The following MED12L variants were observed in gnomAD, a reference collection of about 807,000 sequenced individuals.
MED12L encodes the protein mediator of RNA polymerase II transcription subunit 12-like protein.
A neutral mutation model predicts 281.3 loss-of-function variants in MED12L; 60 were observed. That is an observed-to-expected ratio of 0.21 (90% CI 0.17 to 0.26). MED12L has a LOEUF of 0.26. Ranked by LOEUF, MED12L falls within the 10% of genes least tolerant of loss-of-function variation. The probability of loss-of-function intolerance (pLI) is 1.00; values close to 1 mark genes in which losing one functional copy is unlikely to be tolerated. For synonymous variants in MED12L, 974 were observed against 987.2 expected (o/e 0.99, Z 0.25); for missense variants, 2,146 against 2,680.9 (o/e 0.80, Z 4.41).
chr3:151,164,787 G>A (rs959019773), intron 9 of MED12L, among the ~76,000 whole-genome samples: 2 of 151,964 alleles, frequency 1.3e-5, no homozygotes, highest in Admixed American at 6.5e-5. Context: ...TCACTCATAG[G>A]TGGGAATGGA....
At chr3:151,427,593 CTA>C (rs1719016272) in intron 43 of MED12L, among the ~76,000 whole-genome samples, 1 of 152,196 alleles carries the variant, frequency 6.6e-6, no homozygotes. Flanking sequence ...TAAATGTTGA[CTA>C]TTTGTACACC....
intron 24 of MED12L, 150 bp downstream of exon 24, chr3:151,367,916 G>A: frequency 1.0e-6 from 1 of 1,002,514 alleles, no homozygotes; most frequent in South Asian, 1.7e-5. Context: ...AATTTTAATA[G>A]TTATTTTATA....
intron 43 of MED12L, chr3:151,425,519 G>C (rs1577624195): frequency 2.5e-6 from 1 of 403,146 alleles, no homozygotes; most frequent in East Asian, 7.2e-5. Context: ...TTCCACCTCA[G>C]CCTTCCAAGT....
chr3:151,302,888 A>G (rs915735082), intron 16 of MED12L, among the ~76,000 whole-genome samples: 1 of 152,218 alleles, frequency 6.6e-6, no homozygotes, highest in Non-Finnish European at 1.5e-5. Context: ...GAATCCAGAA[A>G]TAGACCATTT....
chr3:151,253,999 G>GTTTTTTT (rs11453294), intron 16 of MED12L, among the ~76,000 whole-genome samples: 5 of 136,896 alleles, frequency 3.7e-5, no homozygotes, highest in Non-Finnish European at 6.3e-5. Context: ...ATTTTTTCTT[G>GTTTTTTT]TTTTTTTTTT....
rs927543220 is a variant in MED12L at position 151,432,257 on chromosome 3, C to T, written c.6491-495C>T. Among the ~76,000 whole-genome samples the T allele has an allele frequency of 1.4e-4, 22 of 152,324 alleles. 1 individual carries two copies. Among genetic ancestry groups the T allele is most frequent in the South Asian group, 2.1e-4 (1 of 4,830 alleles). ...AGGCATGCATGTCTACATAGGCACA[C>T]GCTTGAGTCATCACACACGGACAGT... On this transcript the variant is annotated intron_variant, in intron 44 of 44. Transcript: ENST00000687756.
At chr3:151,254,747 A>G (rs1577137661) in intron 16 of MED12L, among the ~76,000 whole-genome samples, 1 of 152,188 alleles carries the variant, frequency 6.6e-6, no homozygotes, top group African/African-American at 2.4e-5. Context: ...CGTGTTGACA[A>G]ATGTGCTTGT....
chr3:151,355,788 G>A, intron 18 of MED12L, 108 bp from the exon 19 acceptor site: 1 of 925,182 alleles, frequency 1.1e-6, no homozygotes, highest in Non-Finnish European at 1.5e-6. Context: ...TTTCGTCAAA[G>A]TAGAATCATG....
rs543776615 is a variant in MED12L at position 151,433,848 on chromosome 3, G to A, written c.*1044G>A. The A allele has an allele frequency of 9.2e-5, 14 of 152,716 alleles. No individual in the cohort carries two copies. The highest frequency in any genetic ancestry group is 1.9e-4 in the East Asian group (1 of 5,184). The allele number at this position is 152,716 out of a possible 1,614,324, so 9.5% of individuals were successfully genotyped here. On this transcript the variant is annotated 3_prime_UTR_variant, in exon 45 of 45. Coordinates refer to ENST00000687756, the MANE Select transcript of MED12L (RefSeq NM_001393769.1). ...AATTATTACTGTCAGTGTCAGTCTT[G>A]GTTGTGTATTGCATATACTGTATTT... is the stretch of plus-strand genomic sequence containing the variant.
Position 151,435,409 on chromosome 3 carries a change from C to T in MED12L, c.*2605C>T, listed in dbSNP as rs943646177. On this transcript the variant is annotated 3_prime_UTR_variant, in exon 45 of 45. Coordinates refer to ENST00000687756, the MANE Select transcript of MED12L (RefSeq NM_001393769.1). ...ATGCGTAGCTTTGACCACTTCCAGC[C>T]ACAGGGTACTAACATCAGACATAAG... The T allele has an allele frequency of 1.6e-4, 24 of 152,092 alleles. No homozygotes were observed. The highest frequency in any genetic ancestry group is 5.6e-4 in the African/African-American group (23 of 41,416). 9.4% of individuals were successfully genotyped at this position (152,092 alleles called of 1,614,324 possible). A position where few individuals can be genotyped will look rare whatever the true frequency, so the allele number is the denominator to read the frequency against.
At chr3:151,210,076 C>G (rs1443119548) in intron 16 of MED12L, among the ~76,000 whole-genome samples, 1 of 152,108 alleles carries the variant, frequency 6.6e-6, no homozygotes, top group Non-Finnish European at 1.5e-5. Context: ...GCTCTCTTTC[C>G]TATGGTAGCC....
At chr3:151,335,293 C>A (rs1750832705) in intron 16 of MED12L, among the ~76,000 whole-genome samples, 1 of 152,162 alleles carries the variant, frequency 6.6e-6, no homozygotes, top group East Asian at 1.9e-4. Context: ...CCATGACTCT[C>A]TAGTAACTGT....
At chr3:151,113,621 A>G (rs1712272644) in intron 2 of MED12L, among the ~76,000 whole-genome samples, 2 of 152,232 alleles carry the variant, frequency 1.3e-5, no homozygotes, top group South Asian at 4.1e-4. Flanking sequence ...GTCAAATTCT[A>G]CATGTATTTT....
chr3:151,411,406 C>A lies in MED12L; in HGVS notation c.6039C>A (p.Asn2013Lys), dbSNP rs778921097. The A allele has an allele frequency of 2.5e-6, 4 of 1,614,194 alleles. No homozygotes were observed. Among genetic ancestry groups the A allele is most frequent in the Non-Finnish European group, 3.4e-6 (4 of 1,180,046 alleles). ...NSRAYPAAHSNPVLMERLRQI... is the reference protein window; with the variant it reads ...NSRAYPAAHSKPVLMERLRQI... ...GAGCCTATCCGGCCGCACATTCCAA[C>A]CCCGTGCTAATGGAAAGACTCAGAC... The change falls in exon 41 of 45, where the codon AAC becomes AAA. Residue 2013 changes from asparagine (N) to lysine (K), a missense_variant. Coordinates refer to ENST00000687756, the MANE Select transcript of MED12L (RefSeq NM_001393769.1).
chr3:151,295,369 G>A (rs942988658), intron 16 of MED12L: 8 of 592,082 alleles, frequency 1.4e-5, no homozygotes, highest in Non-Finnish European at 2.1e-5. Flanking sequence ...AATGTTTTGA[G>A]TGGCCAAAGA....
chr3:151,179,507 C>T (rs890457315), intron 11 of MED12L, among the ~76,000 whole-genome samples: 3 of 152,176 alleles, frequency 2.0e-5, no homozygotes, highest in African/African-American at 7.2e-5. Flanking sequence ...TTTTCACTGC[C>T]TCTCACAGCT....
chr3:151,310,230 T>C (rs544895871), intron 16 of MED12L, among the ~76,000 whole-genome samples: 6 of 152,210 alleles, frequency 3.9e-5, no homozygotes, highest in African/African-American at 1.2e-4. Context: ...CTAACACTTA[T>C]GAAATTTTCA....
chr3:151,399,897 G>A (rs1160405875), intron 39 of MED12L, among the ~76,000 whole-genome samples: 2 of 151,440 alleles, frequency 1.3e-5, no homozygotes, highest in African/African-American at 4.9e-5. Flanking sequence ...CCTAATCTCC[G>A]CTCATTGCAA....
chr3:151,424,319 G>A (rs1234808295), intron 43 of MED12L, among the ~76,000 whole-genome samples: 1 of 152,212 alleles, frequency 6.6e-6, no homozygotes, highest in East Asian at 1.9e-4. Context: ...TTACTAAACT[G>A]TGTACAGATT....
Sources: gnomAD v4.1 joint callset for allele counts (sites outside exome capture counted in the v4.1 genomes callset) on GRCh38, gnomAD v4.1.1 for gene constraint, MANE v1.5 for transcripts, NCBI Gene and HGNC (gene_info 2026-07-23, HGNC 2026-07-21) for gene names.